HMGN5: variants seen among roughly 807,000 people sequenced by gnomAD.
HMGN5 encodes high mobility group nucleosome binding domain 5.
HMGN5 carries 4 observed loss-of-function variants against 9.5 expected under a neutral mutation model. The ratio of observed to expected loss-of-function variants is 0.42; its 90% CI spans 0.21 to 0.96. The LOEUF (loss-of-function observed/expected upper bound fraction) is 0.96, where lower values mean the gene tolerates loss of function less well. Ranked by LOEUF, HMGN5 falls within the 40% of genes least tolerant of loss-of-function variation. HMGN5 has a pLI of 0.30. For missense variants in HMGN5, 192 were observed against 187.5 expected, an observed-to-expected ratio of 1.02 and a Z score of -0.14; for synonymous variants, 55 against 57.1, an observed-to-expected ratio of 0.96 and a Z score of 0.16.
chrX:81,180,119 T>A (rs764420638), intron 1 of HMGN5, among the ~76,000 whole-genome samples: 1 of 111,668 alleles, frequency 9.0e-6, no homozygotes, highest in East Asian at 2.8e-4. Flanking sequence ...AACCTAGGCA[T>A]TACCATTCAG....
At chrX:81,152,784 G>T (rs2147563721) in intron 1 of HMGN5, among the ~76,000 whole-genome samples, 2 of 109,176 alleles carry the variant, frequency 1.8e-5, no homozygotes, top group East Asian at 5.9e-4. Flanking sequence ...AGAAAATGTG[G>T]CACATATACA....
chrX:81,124,883 A>T (rs2075278698), intron 1 of HMGN5, among the ~76,000 whole-genome samples: 1 of 110,872 alleles, frequency 9.0e-6, no homozygotes, highest in South Asian at 3.8e-4. Context: ...CCACTCCCAA[A>T]ATTTACAGGA....
intron 1 of HMGN5, among the ~76,000 whole-genome samples, chrX:81,179,571 A>T (rs962026528): frequency 1.8e-5 from 2 of 111,666 alleles, no homozygotes; most frequent in African/African-American, 6.5e-5. Flanking sequence ...ACAAATGGAA[A>T]AACATTCCAT....
At position 81,169,598 on chromosome X, in the gene HMGN5, TAGAC is replaced by T. The variant is rs2075419845; in HGVS notation, c.-124+32135_-124+32138del. Among the ~76,000 whole-genome samples, 4 of 111,433 alleles carry T rather than the reference TAGAC, an allele frequency of 3.6e-5. No homozygotes were observed. The Admixed American group carries it at 3.8e-4, about 11-fold the overall frequency. On this transcript the variant is annotated intron_variant, in intron 1 of 6. Transcript: ENST00000358130. The stretch of plus-strand genomic sequence containing the variant: ...TTCAAAGATGATTGGCCAGTCCCAT[TAGAC>T]AGGGTGATTCAAATTACAGAATAGG...
intron 1 of HMGN5, among the ~76,000 whole-genome samples, chrX:81,173,187 T>C (rs2075431411): frequency 9.0e-6 from 1 of 110,979 alleles, no homozygotes; most frequent in African/African-American, 3.3e-5. Context: ...ACTCACCTGT[T>C]TGAAAAACAA....
chrX:81,142,505 C>T (rs1226742499), intron 1 of HMGN5, among the ~76,000 whole-genome samples: 1 of 111,419 alleles, frequency 9.0e-6, no homozygotes, highest in African/African-American at 3.3e-5. Flanking sequence ...TACAGTGGAG[C>T]TCCAATAAAT....
chrX:81,147,872 C>A (rs1307215528), intron 1 of HMGN5, among the ~76,000 whole-genome samples: 1 of 111,407 alleles, frequency 9.0e-6, no homozygotes, highest in East Asian at 2.8e-4. Context: ...TGAGTGAACT[C>A]CCATTCACAA....
intron 1 of HMGN5, among the ~76,000 whole-genome samples, chrX:81,122,026 G>A (rs772325981): frequency 8.9e-6 from 1 of 111,972 alleles, no homozygotes; most frequent in Admixed American, 9.4e-5. Context: ...CTCCAAACCC[G>A]CCACCCTTCC....
chrX:81,199,132 C>A (rs140430747), intron 1 of HMGN5, among the ~76,000 whole-genome samples: 1 of 111,355 alleles, frequency 9.0e-6, no homozygotes, highest in South Asian at 3.7e-4. Context: ...TTCACAATTG[C>A]TACAAATAGA....
Position 81,126,658 on chromosome X carries a change from T to A in HMGN5, c.-123-4986A>T, listed in dbSNP as rs184459409. Among the ~76,000 whole-genome samples the A allele has an allele frequency of 1.4e-3, 153 of 111,636 alleles. 1 individual carries two copies. The highest frequency in any genetic ancestry group is 4.8e-3 in the African/African-American group (147 of 30,790). ...GAAGATTTCTAACATCCAGTAGGTG[T>A]CATCATTTACTTGAAAAGAGTTTCA... On this transcript the variant is annotated intron_variant, in intron 1 of 6. Transcript: ENST00000358130.
intron 1 of HMGN5, among the ~76,000 whole-genome samples, chrX:81,136,787 T>C (rs2075312244): frequency 9.0e-6 from 1 of 111,312 alleles, no homozygotes; most frequent in African/African-American, 3.3e-5. Flanking sequence ...CATTACCCAA[T>C]GATATACTGT....
At chrX:81,141,246 G>T (rs764756476) in intron 1 of HMGN5, among the ~76,000 whole-genome samples, 5 of 111,886 alleles carry the variant, frequency 4.5e-5, no homozygotes, top group African/African-American at 9.7e-5. Flanking sequence ...TCTTCACCCT[G>T]CAGGGAAGGA....
intron 1 of HMGN5, among the ~76,000 whole-genome samples, chrX:81,122,187 C>A (rs1440947457): frequency 9.0e-6 from 1 of 111,625 alleles, no homozygotes; most frequent in African/African-American, 3.3e-5. Context: ...TGGGAACATC[C>A]TGCCAAAGCA....
intron 1 of HMGN5, among the ~76,000 whole-genome samples, chrX:81,160,165 C>A (rs1450966679): frequency 9.0e-6 from 1 of 110,998 alleles, no homozygotes; most frequent in African/African-American, 3.3e-5. Context: ...ATAAAGATAT[C>A]TTAGCAGGTT....
chrX:81,140,095 G>A (rs1325968415), intron 1 of HMGN5, among the ~76,000 whole-genome samples: 1 of 111,457 alleles, frequency 9.0e-6, no homozygotes, highest in Non-Finnish European at 1.9e-5. Flanking sequence ...TCTTCTTTCC[G>A]CATGAGGAGA....
intron 1 of HMGN5, among the ~76,000 whole-genome samples, chrX:81,124,982 T>C (rs987259689): frequency 1.8e-5 from 2 of 110,650 alleles, no homozygotes; most frequent in Non-Finnish European, 3.8e-5. Context: ...TTAAGATATA[T>C]TGACAGAGAA....
chrX:81,137,576 A>G (rs1407557215), intron 1 of HMGN5, among the ~76,000 whole-genome samples: 1 of 111,827 alleles, frequency 8.9e-6, no homozygotes, highest in African/African-American at 3.2e-5. Flanking sequence ...AGAAGTTCAT[A>G]GCATGAAATC....
chrX:81,116,153 T>C (rs2075252828), intron 6 of HMGN5, 51 bp downstream of exon 6: 1 of 959,422 alleles, frequency 1.0e-6, no homozygotes. Flanking sequence ...CTTTCAGTTG[T>C]ACCCATTGTT....
intron 1 of HMGN5, among the ~76,000 whole-genome samples, chrX:81,161,188 G>C (rs187262930): frequency 9.0e-6 from 1 of 110,634 alleles, no homozygotes; most frequent in Non-Finnish European, 1.9e-5. Flanking sequence ...GATGTTCCAA[G>C]TTGTGACGAC....
Sources: allele counts gnomAD v4.1 joint callset (sites outside exome capture counted in the v4.1 genomes callset), GRCh38; gene constraint gnomAD v4.1.1; transcripts MANE v1.5; gene names NCBI Gene and HGNC (gene_info 2026-07-23, HGNC 2026-07-21).